CBL: variants seen among roughly 807,000 people sequenced by gnomAD.
The protein encoded by CBL is E3 ubiquitin-protein ligase CBL.
A neutral mutation model predicts 96.9 loss-of-function variants in CBL; 45 were observed. The ratio of observed to expected loss-of-function variants is 0.46; its 90% CI spans 0.37 to 0.60. The LOEUF is 0.60. CBL is among the 20% of genes least tolerant of loss of function. The probability of loss-of-function intolerance (pLI) is 0.00; values close to 1 mark genes in which losing one functional copy is unlikely to be tolerated. For synonymous variants in CBL, 420 were observed against 426.8 expected, an observed-to-expected ratio of 0.98 and a Z score of 0.20; for missense variants, 1,024 against 1,143.5, an observed-to-expected ratio of 0.90 and a Z score of 1.51.
chr11:119,244,581 A>ATCTTTTTTTTTTTTTTTT (rs1949610877), intron 2 of CBL, among the ~76,000 whole-genome samples: 1 of 104,404 alleles, frequency 9.6e-6, no homozygotes, highest in Non-Finnish European at 1.9e-5. Flanking sequence ...TGCCCGGCTA[A>ATCTTTTTTTTTTTTTTTT]TTTTTTTTTT....
At chr11:119,210,669 G>A (rs1949309412) in intron 1 of CBL, among the ~76,000 whole-genome samples, 1 of 134,598 alleles carries the variant, frequency 7.4e-6, no homozygotes. Context: ...GGCTGCTCTC[G>A]AACTCCTGGC....
In CBL at chr11:119,259,305, G is replaced by C. The variant is rs1949734368; in HGVS notation, c.444-12430G>C. On this transcript the variant is annotated intron_variant, in intron 2 of 15. Coordinates refer to ENST00000264033, the MANE Select transcript of CBL (RefSeq NM_005188.4). ...TTGCCTAATTGCTGTGCCTGGGTAAGTTGGTAGTCTTATGTGGCTTTAAGT... is the reference window on the plus strand; with the variant it reads ...TTGCCTAATTGCTGTGCCTGGGTAACTTGGTAGTCTTATGTGGCTTTAAGT... Among the ~76,000 whole-genome samples, 3 of 152,062 alleles carry C rather than the reference G, an allele frequency of 2.0e-5. No homozygotes were observed. In the South Asian group the frequency reaches 6.2e-4, roughly 32 times the overall value.
At position 119,304,928 on chromosome 11, in the gene CBL, A is replaced by G. The variant is rs1248718595; in HGVS notation, c.*5147A>G. The G allele has an allele frequency of 1.0e-5, 2 of 196,190 alleles. No individual in the cohort carries two copies. The highest frequency in any genetic ancestry group is 2.1e-5 in the Non-Finnish European group (2 of 94,526). 12.2% of individuals were successfully genotyped at this position (196,190 alleles called of 1,614,324 possible). On this transcript the variant is annotated 3_prime_UTR_variant, in exon 16 of 16. Transcript: ENST00000264033. ...GCGTGAGCCACCGCGCCCGGCCCAT[A>G]CTTCGTATTCTTAAAAAAAACTACA...
In CBL at chr11:119,280,712, T is replaced by C. The variant is rs191991114; in HGVS notation, c.1431+1999T>C. Among the ~76,000 whole-genome samples the C allele has an allele frequency of 5.4e-4, 82 of 152,320 alleles. 1 individual carries two copies. In the East Asian group the frequency reaches 0.012, roughly 23 times the overall value. ...CGTTCAGAGTTTTAATTCTTGAAAC[T>C]GTTTACTACCTCTGTGTTTCTTAAC... On this transcript the variant is annotated intron_variant, in intron 9 of 15. Coordinates refer to ENST00000264033, the MANE Select transcript of CBL (RefSeq NM_005188.4).
At chr11:119,251,515 A>G (rs1949669666) in intron 2 of CBL, among the ~76,000 whole-genome samples, 1 of 152,272 alleles carries the variant, frequency 6.6e-6, no homozygotes. Flanking sequence ...TTCAAACATC[A>G]TATAAAGTAG....
At chr11:119,223,795 T>A (rs1392290696) in intron 1 of CBL, among the ~76,000 whole-genome samples, 1 of 151,828 alleles carries the variant, frequency 6.6e-6, no homozygotes, top group Non-Finnish European at 1.5e-5. Context: ...CTCAGCTAAT[T>A]TTTGTATTTT....
rs547398437 is a variant in CBL, at chr11:119,282,078, G to A, written c.1432-2891G>A. Among the ~76,000 whole-genome samples, 82 of 152,034 alleles carry A rather than the reference G, an allele frequency of 5.4e-4. 2 individuals are homozygous for A. The highest frequency in any genetic ancestry group is 1.9e-3 in the African/African-American group (79 of 41,454). ...TGCGGCCGGGTGCGGTGGCTCATGC[G>A]TGTAATCCCAGCACTTTGGGAGGCC... On this transcript the variant is annotated intron_variant, in intron 9 of 15. Transcript: ENST00000264033.
chr11:119,255,801 T>C, intron 2 of CBL, among the ~76,000 whole-genome samples: 1 of 152,176 alleles, frequency 6.6e-6, no homozygotes, highest in South Asian at 2.1e-4. Flanking sequence ...AATGTATGTC[T>C]ATATATGAAT....
chr11:119,228,216 T>G (rs1318151229), intron 1 of CBL, among the ~76,000 whole-genome samples: 1 of 152,186 alleles, frequency 6.6e-6, no homozygotes, highest in Non-Finnish European at 1.5e-5. Context: ...CAAGCGGCCC[T>G]CCCACCTCAG....
At chr11:119,253,636 A>C (rs1949688645) in intron 2 of CBL, among the ~76,000 whole-genome samples, 1 of 148,254 alleles carries the variant, frequency 6.7e-6, no homozygotes, top group African/African-American at 2.5e-5. Context: ...ATTGCACTCC[A>C]GCCTGGGCAA....
In CBL at chr11:119,306,914, TCAAAA is replaced by T. The variant is rs143439421; in HGVS notation, c.*7142_*7146del. 31 of 222,100 alleles carry T rather than the reference TCAAAA, an allele frequency of 1.4e-4. No homozygotes were observed. Among genetic ancestry groups the T allele is most frequent in the African/African-American group, 5.0e-4 (22 of 44,072 alleles). 13.8% of individuals were successfully genotyped at this position (222,100 alleles called of 1,614,324 possible). A position where few individuals can be genotyped will look rare whatever the true frequency, so the allele number is the denominator to read the frequency against. On this transcript the variant is annotated 3_prime_UTR_variant, in exon 16 of 16. Transcript: ENST00000264033. The stretch of plus-strand genomic sequence containing the variant: ...AACCTTATATATCTTTTTCCTTTAC[TCAAAA>T]CAAAACAATTTTTAGCACACTGAAA...
chr11:119,227,627 C>T lies in CBL; in HGVS notation c.196-4821C>T, dbSNP rs527662625. Among the ~76,000 whole-genome samples the T allele has an allele frequency of 1.9e-4, 29 of 151,476 alleles. No homozygotes were observed. In the South Asian group the frequency reaches 3.3e-3, roughly 17 times the overall value. On this transcript the variant is annotated intron_variant, in intron 1 of 15. Coordinates refer to ENST00000264033, the MANE Select transcript of CBL (RefSeq NM_005188.4). ...GTGCAATGGTGCGATCTTGGCTCAA[C>T]GCAACCTCTGCCTCCCGGGTTCAAG...
At chr11:119,269,627 T>TA (rs1359706732) in intron 2 of CBL, among the ~76,000 whole-genome samples, 1 of 152,076 alleles carries the variant, frequency 6.6e-6, no homozygotes, top group Non-Finnish European at 1.5e-5. Flanking sequence ...AGTATAGCAT[T>TA]AAAAAAGAAA....
At position 119,276,067 on chromosome 11, in the gene CBL, A is replaced by T; in HGVS notation, c.940A>T (p.Ile314Phe). ...TGGGTATGTTACTGCTGATGGGAAC[A>T]TTCTCCAGACAATCCCTCACAATAA... ...AIGYVTADGN[I>F]LQTIPHNKPL... is the part of the protein sequence containing the mutation. The change falls in exon 6 of 16, where the codon ATT becomes TTT. Residue 314 changes from isoleucine to phenylalanine, a missense_variant. Physicochemically the swap from Ile to Phe is conservative, Grantham distance 21. Transcript: ENST00000264033. 1 of 1,614,070 alleles carries T rather than the reference A, an allele frequency of 6.2e-7. No individual in the cohort carries two copies. The highest frequency in any genetic ancestry group is 8.5e-7 in the Non-Finnish European group (1 of 1,179,978).
intron 6 of CBL, 31 bp from the exon 7 acceptor site, chr11:119,277,726 A>G: frequency 6.5e-7 from 1 of 1,540,280 alleles, no homozygotes. Context: ...AATTGGCTTA[A>G]ATAAAACCCA....
In CBL at chr11:119,304,144, A is replaced by G. The variant is rs929646921; in HGVS notation, c.*4363A>G. The stretch of plus-strand genomic sequence containing the variant: ...CCAGAGCAAGGAGTTTAGGGATTCT[A>G]AAGCTTAGTGTCCACACATCATTCT... On this transcript the variant is annotated 3_prime_UTR_variant, in exon 16 of 16. Coordinates refer to ENST00000264033, the MANE Select transcript of CBL (RefSeq NM_005188.4). 2.6e-5 allele frequency: 6 copies of G among 233,366 alleles called. No individual in the cohort carries two copies. The highest frequency in any genetic ancestry group is 1.1e-4 in the Admixed American group (2 of 17,788). 14.5% of individuals were successfully genotyped at this position (233,366 alleles called of 1,614,324 possible).
intron 1 of CBL, among the ~76,000 whole-genome samples, chr11:119,221,580 A>G (rs942466405): frequency 2.0e-5 from 3 of 152,122 alleles, no homozygotes; most frequent in African/African-American, 2.4e-5. Flanking sequence ...AGCCTGACCA[A>G]TATGGTGAAA....
Position 119,298,560 on chromosome 11 carries a change from TG to T in CBL, c.2434+23del. ...CAACAAGTGAGTCTCCAGACTACTT[TG>T]GGTTTGTCCTGAATGGCAGTGTGGC... On this transcript the variant is annotated intron_variant, in intron 15 of 15. Coordinates refer to ENST00000264033, the MANE Select transcript of CBL (RefSeq NM_005188.4). 6.2e-7 allele frequency: 1 copy of T among 1,612,652 alleles called. No homozygotes were observed. Among genetic ancestry groups the T allele is most frequent in the Non-Finnish European group, 8.5e-7 (1 of 1,178,678 alleles).
intron 2 of CBL, among the ~76,000 whole-genome samples, chr11:119,240,885 T>A (rs184584929): frequency 6.6e-6 from 1 of 151,926 alleles, no homozygotes; most frequent in Non-Finnish European, 1.5e-5. Flanking sequence ...CCAGCCTGGC[T>A]AACATCGTGA....
Sources: gnomAD v4.1 joint callset for allele counts (sites outside exome capture counted in the v4.1 genomes callset) on GRCh38, gnomAD v4.1.1 for gene constraint, MANE v1.5 for transcripts, NCBI Gene and HGNC (gene_info 2026-07-23, HGNC 2026-07-21) for gene names.